The following TTN variants were observed in gnomAD, a reference collection of about 807,000 sequenced individuals.
TTN encodes the protein titin, also known as connectin.
In TTN, 1,525 loss-of-function variants were observed where a neutral mutation model predicts 3,223.0. The ratio of observed to expected loss-of-function variants is 0.47; its 90% confidence interval spans 0.45 to 0.49. The LOEUF (loss-of-function observed/expected upper bound fraction) is 0.49, where lower values mean the gene tolerates loss of function less well. Among genes scored for constraint, TTN ranks in the 20% least tolerant of loss-of-function variants. TTN has a pLI of 0.00. For synonymous variants in TTN, 14,094 were observed against 15,161.0 expected, an observed-to-expected ratio of 0.93 and a Z score of 5.17; for missense variants, 40,786 against 43,424.0, an observed-to-expected ratio of 0.94 and a Z score of 5.40.
intron 301 of TTN, 27 bp from the exon 302 acceptor site, chr2:178,592,304 T>A: frequency 6.2e-7 from 1 of 1,602,140 alleles, no homozygotes; most frequent in Non-Finnish European, 8.5e-7. Context: ...AACAGTTTGA[T>A]AAGTAATTTT....
rs1187906800 is a variant in TTN, at chr2:178,533,575, T to C, written c.103040A>G (p.Lys34347Arg). The C allele has an allele frequency of 6.2e-7, 1 of 1,613,872 alleles. No homozygotes were observed. Among genetic ancestry groups the C allele is most frequent in the East Asian group, 2.2e-5 (1 of 44,900 alleles). Residue 34347 changes from lysine to arginine, a missense_variant, in exon 358 of 363, where the codon AAG becomes AGG. Physicochemically the swap from Lys to Arg is conservative, Grantham distance 26 (BLOSUM62 2). Transcript: ENST00000589042. ...NKYGEDSCKA[K>R]LTVTLHPPPT... The stretch of plus-strand genomic sequence containing the variant: ...AGGTGGGTGTAGGGTTACTGTCAGC[T>C]TTGCTTTACAGCTGTCTTCACCATA...
rs1480641895 is a variant in TTN, at chr2:178,566,155, T to C, written c.79977A>G (p.Gly26659=). The change falls in exon 326 of 363, where the codon GGA becomes GGG. Residue 26659 remains glycine (G), a synonymous_variant. Coordinates refer to ENST00000589042, the MANE Select transcript of TTN (RefSeq NM_001267550.2). ...SIDNCDRNDA[G]KYILKLENSS... ...TGTTTTCCAACTTAAGAATGTATTT[T>C]CCAGCATCATTTCTATCACAGTTAT... 6.2e-7 allele frequency: 1 copy of C among 1,613,682 alleles called. No individual in the cohort carries two copies.
chr2:178,573,528 T>A lies in TTN; in HGVS notation c.72604A>T (p.Lys24202Ter). The change falls in exon 326 of 363, where the codon AAA becomes TAA. Residue 24202 changes from lysine (K) to a stop codon, truncating the protein, a stop_gained. Transcript: ENST00000589042. LOFTEE classifies it high-confidence loss of function. ...EYIFRVMAVN[K>*]YGVGEPLESE... ...TCCAGTGGCTCTCCCACTCCATATT[T>A]ATTTACAGCCATGACACGGAATATG... The A allele has an allele frequency of 6.7e-7, 1 of 1,497,224 alleles. No individual in the cohort carries two copies. Among genetic ancestry groups the A allele is most frequent in the Non-Finnish European group, 8.9e-7 (1 of 1,126,000 alleles). The allele number at this position is 1,497,224 out of a possible 1,614,324, so 92.7% of individuals were successfully genotyped here.
chr2:178,647,042 A>G (rs1436695356), intron 215 of TTN, 22 bp downstream of exon 215: 12 of 160,442 alleles, frequency 7.5e-5, no homozygotes, highest in Non-Finnish European at 1.0e-4. Flanking sequence ...AAAAAAATGT[A>G]TATATATATA....
intron 226 of TTN, 119 bp downstream of exon 226, chr2:178,635,844 T>G (rs779499191): frequency 2.6e-6 from 4 of 1,513,714 alleles, no homozygotes; most frequent in Non-Finnish European, 3.6e-6. Flanking sequence ...GTAGGATATA[T>G]TGTTATTCCC....
At position 178,594,001 on chromosome 2, in the gene TTN, A is replaced by T; in HGVS notation, c.58392T>A (p.Ser19464Arg). ...GACAGAAACCTTTCCTAGAGCCTGT[A>T]CTGTTCTCCACAACCACACAGTATT... ...SGKYCVVVEN[S>R]TGSRKGFCQV... Residue 19464 changes from serine to arginine, a missense_variant, in exon 297 of 363, where the codon AGT (serine) becomes AGA (arginine). Transcript: ENST00000589042. 5.0e-6 allele frequency: 8 copies of T among 1,613,604 alleles called. No homozygotes were observed. Among genetic ancestry groups the T allele is most frequent in the Non-Finnish European group, 5.9e-6 (7 of 1,179,666 alleles).
chr2:178,595,247 G>A (rs956291179), intron 295 of TTN, among the ~76,000 whole-genome samples: 2 of 151,316 alleles, frequency 1.3e-5, no homozygotes, highest in Admixed American at 1.3e-4. Flanking sequence ...CTCCAGCCTC[G>A]GTAACAGTAA....
At position 178,554,059 on chromosome 2, in the gene TTN, T is replaced by A. The variant is rs1389119897; in HGVS notation, c.89052A>T (p.Leu29684=). ...GTCTGGTGTCACGGATAGTCTCTTT[T>A]AGTACTTTAAACCATCCTAGGCTCT... ...DKKSLGWFKV[L]KETIRDTRQK... The change falls in exon 333 of 363, where the codon CTA becomes CTT. Residue 29684 remains leucine, a synonymous_variant. Transcript: ENST00000589042. The A allele has an allele frequency of 5.0e-6, 8 of 1,613,908 alleles. No homozygotes were observed. In the East Asian group the frequency reaches 1.8e-4, roughly 36 times the overall value.
Position 178,799,608 on chromosome 2 carries a change from A to G in TTN, c.793T>C (p.Ser265Pro). ...PRIPPKPKSR[S>P]PTPPSIAAKA... ...GCAGCAATAGACGGTGGTGTTGGGG[A>G]TCTTGACTTTGGCTTCGGAGGAATC... Residue 265 changes from serine to proline, a missense_variant, in exon 6 of 363, where the codon TCC becomes CCC. Ser to Pro is a moderately conservative substitution (Grantham distance 74, BLOSUM62 -1). Transcript: ENST00000589042. The G allele has an allele frequency of 6.2e-7, 1 of 1,613,874 alleles. No individual in the cohort carries two copies. Among genetic ancestry groups the G allele is most frequent in the African/African-American group, 1.3e-5 (1 of 74,912 alleles).
chr2:178,711,175 T>C lies in TTN; in HGVS notation c.28061A>G (p.Asn9354Ser). Residue 9354 changes from asparagine (N) to serine (S), a missense_variant, in exon 97 of 363, where the codon AAT (asparagine) becomes AGT (serine). Physicochemically the swap from Asn to Ser is conservative, Grantham distance 46. Coordinates refer to ENST00000589042, the MANE Select transcript of TTN (RefSeq NM_001267550.2). ...TTTAAAAATATTGAGTGTGGCTGTATTGTCTAAAAATGATGTTTGTACATT... is the reference window on the plus strand; with the variant it reads ...TTTAAAAATATTGAGTGTGGCTGTACTGTCTAAAAATGATGTTTGTACATT... ...SPNVQTSFLD[N>S]TATLNIFKTD... 6.2e-7 allele frequency: 1 copy of C among 1,613,858 alleles called. No homozygotes were observed. Among genetic ancestry groups the C allele is most frequent in the Non-Finnish European group, 8.5e-7 (1 of 1,179,812 alleles).
intron 240 of TTN, among the ~76,000 whole-genome samples, chr2:178,626,012 A>G (rs2058985386): frequency 6.6e-6 from 1 of 151,916 alleles, no homozygotes; most frequent in African/African-American, 2.4e-5. Flanking sequence ...ATATACGTAT[A>G]TGTGTATATA....
chr2:178,651,407 TG>T, intron 207 of TTN, 45 bp downstream of exon 207: 2 of 1,601,736 alleles, frequency 1.2e-6, no homozygotes, highest in Non-Finnish European at 1.7e-6. Context: ...TTTTAGAAGC[TG>T]GGGGCTCCAT....
intron 15 of TTN, among the ~76,000 whole-genome samples, 177 bp from the exon 16 acceptor site, chr2:178,784,528 T>G (rs1022175386): frequency 6.6e-6 from 1 of 152,228 alleles, no homozygotes; most frequent in African/African-American, 2.4e-5. Flanking sequence ...TAAAGCTCCT[T>G]GTCATGCCTG....
chr2:178,551,142 T>C lies in TTN; in HGVS notation c.91389A>G (p.Gln30463=). The change falls in exon 336 of 363, where the codon CAA becomes CAG. Residue 30463 remains glutamine (Q), a synonymous_variant. Transcript: ENST00000589042. ...TGCATCTCACCCAGCGTTCATTTCCTTGCCGTTTCTCAATGCTATAGCCCA... is the reference window on the plus strand; with the variant it reads ...TGCATCTCACCCAGCGTTCATTTCCCTGCCGTTTCTCAATGCTATAGCCCA... ...KIVGYSIEKR[Q]GNERWVRCNF... is the part of the protein sequence containing the mutation. 2 of 1,613,580 alleles carry C rather than the reference T, an allele frequency of 1.2e-6. No individual in the cohort carries two copies. The highest frequency in any genetic ancestry group is 1.7e-6 in the Non-Finnish European group (2 of 1,179,674).
rs750815763 is a variant in TTN, at chr2:178,559,721, G to C, written c.86411C>G (p.Thr28804Arg). Residue 28804 changes from threonine to arginine, a missense_variant, in exon 326 of 363, where the codon ACA (threonine) becomes AGA (arginine). Coordinates refer to ENST00000589042, the MANE Select transcript of TTN (RefSeq NM_001267550.2). ...DLRTRAYVDT[T>R]DSRTSLTIEN... ...AATGGTCAGTGATGTACGAGAGTCTGTGGTATCAACATAAGCTCTAGTACG... is the reference window on the plus strand; with the variant it reads ...AATGGTCAGTGATGTACGAGAGTCTCTGGTATCAACATAAGCTCTAGTACG... 1 of 1,601,734 alleles carries C rather than the reference G, an allele frequency of 6.2e-7. No individual in the cohort carries two copies. Among genetic ancestry groups the C allele is most frequent in the Admixed American group, 1.7e-5 (1 of 59,320 alleles).
At chr2:178,765,264 G>GT (rs1312649909) in intron 41 of TTN, among the ~76,000 whole-genome samples, 1 of 152,142 alleles carries the variant, frequency 6.6e-6, no homozygotes, top group African/African-American at 2.4e-5. Flanking sequence ...ATTTTGTTAT[G>GT]TACCAGTGCC....
At position 178,786,159 on chromosome 2, in the gene TTN, A is replaced by C; in HGVS notation, c.2077-18T>G. 1.9e-6 allele frequency: 3 copies of C among 1,612,920 alleles called. No homozygotes were observed. The highest frequency in any genetic ancestry group is 1.7e-6 in the Non-Finnish European group (2 of 1,179,652). On this transcript the variant is annotated intron_variant, in intron 13 of 362. Transcript: ENST00000589042. Reference sequence around the variant, plus strand: ...ACGTCCACCTGGAGACAAGGTTTCCAGAATTAATACATAGGAATATCGAGA... The same window carrying C: ...ACGTCCACCTGGAGACAAGGTTTCCCGAATTAATACATAGGAATATCGAGA...
Position 178,572,623 on chromosome 2 carries a change from A to G in TTN, c.73509T>C (p.Asn24503=), listed in dbSNP as rs536578166. 6.8e-6 allele frequency: 11 copies of G among 1,613,136 alleles called. No individual in the cohort carries two copies. The highest frequency in any genetic ancestry group is 6.7e-5 in the Admixed American group (4 of 59,962). The change falls in exon 326 of 363, where the codon AAT becomes AAC. Residue 24503 remains asparagine (N), a synonymous_variant. Transcript: ENST00000589042. The part of the protein sequence containing the change: ...DSGKYILTVE[N]SSGSKSAFVN... ...CAAATGCAGACTTGCTGCCTGAACT[A>G]TTTTCTACAGTTAGTATATATTTGC...
In TTN at chr2:178,624,482, C is replaced by T; in HGVS notation, c.44798G>A (p.Cys14933Tyr). 6.2e-7 allele frequency: 1 copy of T among 1,612,446 alleles called. No individual in the cohort carries two copies. The highest frequency in any genetic ancestry group is 8.5e-7 in the Non-Finnish European group (1 of 1,178,948). ...ATACTTACGCACGACATTCAGGTTACAGGAAGTCTTAAAATCCTTAGCATC... is the reference window on the plus strand; with the variant it reads ...ATACTTACGCACGACATTCAGGTTATAGGAAGTCTTAAAATCCTTAGCATC... ...TCDAKDFKTS[C>Y]NLNVVPPHVE... is the part of the protein sequence containing the mutation. Residue 14933 changes from cysteine (C) to tyrosine (Y), a missense_variant, in exon 242 of 363, where the codon TGT becomes TAT. Coordinates refer to ENST00000589042, the MANE Select transcript of TTN (RefSeq NM_001267550.2).
Sources: gnomAD v4.1 joint callset for allele counts (sites outside exome capture counted in the v4.1 genomes callset) on GRCh38, gnomAD v4.1.1 for gene constraint, MANE v1.5 for transcripts, NCBI Gene and HGNC (gene_info 2026-07-23, HGNC 2026-07-21) for gene names.